Variants in PSD2 observed in about 807,000 individuals in gnomAD.
PSD2 encodes the protein PH and SEC7 domain-containing protein 2.
A neutral mutation model predicts 69.8 loss-of-function variants in PSD2; 38 were observed. The observed-to-expected ratio is 0.54, with a 90% CI of 0.42 to 0.71. PSD2 has a LOEUF of 0.71. Ranked by LOEUF, PSD2 falls within the 30% of genes least tolerant of loss-of-function variation. PSD2 has a pLI of 0.00. For synonymous variants in PSD2, 412 were observed against 423.0 expected (o/e 0.97, Z 0.32); for missense variants, 943 against 1,014.5 (o/e 0.93, Z 0.96).
chr5:139,821,907 C>A lies in PSD2; in HGVS notation c.1112C>A (p.Ala371Asp). Residue 371 changes from alanine to aspartate, a missense_variant, in exon 6 of 15, where the codon GCC (alanine) becomes GAC (aspartate). By Grantham distance (126) the Ala-to-Asp change is moderately radical (BLOSUM62 -2). This residue lies in a region of PSD2 where 312 missense variants were observed against 400.7 expected (regional missense o/e 0.78). Transcript: ENST00000274710. ...LDGALRTFLK[A>D]FPLMGETQER... is the part of the protein sequence containing the mutation. ...TTGCCTTCCAGAACATTCTTGAAGG[C>A]CTTCCCGCTGATGGGGGAGACACAA... The A allele has an allele frequency of 6.2e-7, 1 of 1,606,380 alleles. No individual in the cohort carries two copies. The highest frequency in any genetic ancestry group is 1.3e-5 in the African/African-American group (1 of 74,938).
chr5:139,804,851 T>G (rs1759758137), intron 1 of PSD2, among the ~76,000 whole-genome samples: 1 of 152,110 alleles, frequency 6.6e-6, no homozygotes, highest in Non-Finnish European at 1.5e-5. Context: ...GGCTGCCCAG[T>G]TCCCTCTGTG....
At chr5:139,778,786 G>C in the PSD2 span, among the ~76,000 whole-genome samples, 1 of 151,956 alleles carries the variant, frequency 6.6e-6, no homozygotes, top group African/African-American at 2.4e-5. Context: ...AAAATTAGCT[G>C]GGTGTGGTGG....
intron 1 of PSD2, among the ~76,000 whole-genome samples, chr5:139,807,389 T>A (rs545273781): frequency 7.3e-6 from 1 of 137,812 alleles, no homozygotes; most frequent in Non-Finnish European, 1.5e-5. Flanking sequence ...GTTGAGAAAG[T>A]GACTTCTTGT....
intron 9 of PSD2, 105 bp downstream of exon 9, chr5:139,835,871 C>G: frequency 9.0e-7 from 1 of 1,109,550 alleles, no homozygotes; most frequent in Non-Finnish European, 1.4e-6. Flanking sequence ...GTGCTGATCC[C>G]TCCCAATCCA....
intron 1 of PSD2, among the ~76,000 whole-genome samples, chr5:139,804,453 A>G (rs1248667538): frequency 6.6e-6 from 1 of 152,190 alleles, no homozygotes; most frequent in Non-Finnish European, 1.5e-5. Context: ...AATGTTGCAC[A>G]CATTTGTGAG....
At chr5:139,790,295 A>G in the PSD2 span, among the ~76,000 whole-genome samples, 2 of 151,964 alleles carry the variant, frequency 1.3e-5, no homozygotes, top group African/African-American at 2.4e-5. Flanking sequence ...TTAAGATGGA[A>G]CTGCTCTTTG....
the PSD2 span, among the ~76,000 whole-genome samples, chr5:139,766,916 C>CTTTCTTT: frequency 2.2e-5 from 1 of 44,954 alleles, no homozygotes; most frequent in Non-Finnish European, 4.6e-5. Flanking sequence ...TCCCTTCCTT[C>CTTTCTTT]CTTCCTTCCT....
the PSD2 span, among the ~76,000 whole-genome samples, chr5:139,781,340 T>C: frequency 4.8e-5 from 7 of 147,022 alleles, no homozygotes; most frequent in South Asian, 6.4e-4. Context: ...ATCTCTCTCT[T>C]TTTTTTTTTT....
chr5:139,784,616 C>G, the PSD2 span, among the ~76,000 whole-genome samples: 1 of 152,214 alleles, frequency 6.6e-6, no homozygotes, highest in African/African-American at 2.4e-5. Context: ...CCTCCCTGCT[C>G]TCACCTCCCA....
intron 7 of PSD2, 30 bp from the exon 8 acceptor site, chr5:139,833,672 C>T: frequency 6.4e-7 from 1 of 1,564,394 alleles, no homozygotes; most frequent in South Asian, 1.1e-5. Flanking sequence ...TCCTTCCCTA[C>T]TCTTAGGCAG....
intron 7 of PSD2, among the ~76,000 whole-genome samples, chr5:139,828,470 G>A (rs114433024): frequency 0.012 from 1,868 of 152,324 alleles, 16 homozygotes; most frequent in Middle Eastern, 0.027. Flanking sequence ...CAGGGGTTTG[G>A]ATGCTATCCT....
chr5:139,769,336 C>A, the PSD2 span, among the ~76,000 whole-genome samples: 1 of 152,008 alleles, frequency 6.6e-6, no homozygotes. Context: ...TGGGTATTTT[C>A]CTGACAGCAA....
At chr5:139,755,965 T>G in the PSD2 span, among the ~76,000 whole-genome samples, 3 of 152,254 alleles carry the variant, frequency 2.0e-5, no homozygotes, top group Middle Eastern at 3.4e-3. Flanking sequence ...AAAGACAGGT[T>G]CAGTGTATGT....
intron 1 of PSD2, among the ~76,000 whole-genome samples, chr5:139,807,770 C>A (rs1759848776): frequency 6.6e-6 from 1 of 152,144 alleles, no homozygotes; most frequent in African/African-American, 2.4e-5. Context: ...GCCCAGAATT[C>A]CTGAGAAGTG....
chr5:139,829,767 G>A (rs1006287198), intron 7 of PSD2, among the ~76,000 whole-genome samples: 1 of 152,012 alleles, frequency 6.6e-6, no homozygotes, highest in Non-Finnish European at 1.5e-5. Context: ...CCATCTTTTG[G>A]TGATTGTGAA....
chr5:139,810,875 C>G (rs1015966851), intron 2 of PSD2, among the ~76,000 whole-genome samples: 3 of 151,942 alleles, frequency 2.0e-5, no homozygotes, highest in African/African-American at 7.3e-5. Context: ...AGGCTGGGGG[C>G]AGTTGGAGGC....
the PSD2 span, chr5:139,775,260 T>G: frequency 6.6e-6 from 1 of 151,644 alleles, no homozygotes; most frequent in Non-Finnish European, 1.5e-5. Context: ...TCTCCGGGAG[T>G]GGCGGGGGCT....
At chr5:139,828,114 G>A (rs922112164) in intron 7 of PSD2, among the ~76,000 whole-genome samples, 2 of 152,156 alleles carry the variant, frequency 1.3e-5, no homozygotes, top group Non-Finnish European at 2.9e-5. Flanking sequence ...GTCAGAGAAC[G>A]GTGATTCGCA....
the PSD2 span, among the ~76,000 whole-genome samples, chr5:139,765,224 A>T: frequency 9.9e-5 from 15 of 151,816 alleles, no homozygotes; most frequent in Non-Finnish European, 2.2e-4. Context: ...CCAGCACACA[A>T]TGTCTCCAGT....
Sources: gnomAD v4.1 joint callset for allele counts (sites outside exome capture counted in the v4.1 genomes callset) on GRCh38, gnomAD v4.1.1 for gene constraint, gnomAD v4.1.1 regional missense constraint, MANE v1.5 for transcripts, NCBI Gene and HGNC (gene_info 2026-07-23, HGNC 2026-07-21) for gene names.